The following KIRREL2 variants were observed in gnomAD, a reference collection of about 807,000 sequenced individuals.
The protein encoded by KIRREL2 is kirre like nephrin family adhesion molecule 2.
A neutral mutation model predicts 73.4 loss-of-function variants in KIRREL2; 56 were observed. That is an observed-to-expected ratio of 0.76 (90% CI 0.62 to 0.95). The LOEUF (loss-of-function observed/expected upper bound fraction) is 0.95, where lower values mean the gene tolerates loss of function less well. KIRREL2 is among the 40% of genes least tolerant of loss of function. The probability of loss-of-function intolerance (pLI) is 0.00; values close to 1 mark genes in which losing one functional copy is unlikely to be tolerated. For missense variants in KIRREL2, 896 were observed against 935.0 expected (o/e 0.96, Z 0.54); for synonymous variants, 407 against 404.0 (o/e 1.01, Z -0.09).
rs770981025 is a variant in KIRREL2 at position 35,862,539 on chromosome 19, C to T, written c.1557C>T (p.Thr519=). ...TAGTGGCCGGAGTGGCCGCTGCCAC[C>T]ACAACTCTCCTTATGGTCATCACTG... ...VRIVAGVAAA[T]TTLLMVITGV... is the part of the protein sequence containing the mutation. Residue 519 remains threonine, a synonymous_variant, in exon 12 of 15, where the codon ACC becomes ACT. Coordinates refer to ENST00000360202, the MANE Select transcript of KIRREL2 (RefSeq NM_199180.4). The T allele has an allele frequency of 6.2e-7, 1 of 1,610,562 alleles. No individual in the cohort carries two copies. The highest frequency in any genetic ancestry group is 1.7e-5 in the Admixed American group (1 of 60,012).
chr19:35,860,332 A>G lies in KIRREL2; in HGVS notation c.709A>G (p.Thr237Ala). 1 of 1,613,910 alleles carries G rather than the reference A, an allele frequency of 6.2e-7. No homozygotes were observed. Among genetic ancestry groups the G allele is most frequent in the Non-Finnish European group, 8.5e-7 (1 of 1,179,984 alleles). ...GGTGACTCTGTCTGCTTCGCCACAC[A>G]CTGTGCAGGAGGGAGAGAAGGTCAT... ...PEVTLSASPHTVQEGEKVIFL... is the reference protein window; with the variant it reads ...PEVTLSASPHAVQEGEKVIFL... Residue 237 changes from threonine to alanine, a missense_variant, in exon 6 of 15, where the codon ACT (threonine) becomes GCT (alanine). Physicochemically the swap from Thr to Ala is moderately conservative, Grantham distance 58. Transcript: ENST00000360202.
chr19:35,866,245 C>G lies in KIRREL2; in HGVS notation c.1880C>G (p.Pro627Arg). 1 of 1,609,948 alleles carries G rather than the reference C, an allele frequency of 6.2e-7. No homozygotes were observed. The highest frequency in any genetic ancestry group is 1.1e-5 in the South Asian group (1 of 90,990). Reference sequence around the variant, plus strand: ...CCTGGAGGAGGTCTCTTCCTGCCACCACCCTCCCCCCTTGGGCCCCCAGGG... The same window carrying G: ...CCTGGAGGAGGTCTCTTCCTGCCACGACCCTCCCCCCTTGGGCCCCCAGGG... ...EAPGGGLFLP[P>R]PSPLGPPGTP... The change falls in exon 15 of 15, where the codon CCA becomes CGA. Residue 627 changes from proline to arginine, a missense_variant. Physicochemically the swap from Pro to Arg is moderately radical, Grantham distance 103 (BLOSUM62 -2). Transcript: ENST00000360202.
Position 35,866,266 on chromosome 19 carries a change from C to T in KIRREL2, c.1901C>T (p.Pro634Leu). ...CCACCACCCTCCCCCCTTGGGCCCCCAGGGACCCCTACCTTCTATGACTTC... is the reference window on the plus strand; with the variant it reads ...CCACCACCCTCCCCCCTTGGGCCCCTAGGGACCCCTACCTTCTATGACTTC... ...FLPPPSPLGP[P>L]GTPTFYDFNP... The change falls in exon 15 of 15, where the codon CCA (proline) becomes CTA (leucine). Residue 634 changes from proline (P) to leucine (L), a missense_variant. Coordinates refer to ENST00000360202, the MANE Select transcript of KIRREL2 (RefSeq NM_199180.4). 1.2e-6 allele frequency: 2 copies of T among 1,609,548 alleles called. No individual in the cohort carries two copies. Among genetic ancestry groups the T allele is most frequent in the African/African-American group, 1.3e-5 (1 of 74,958 alleles).
In KIRREL2 at chr19:35,866,429, T is replaced by TC. The variant is rs1259849815; in HGVS notation, c.2070dup (p.Phe691LeufsTer10). ...GGCCCCCAGATCTGGCCCCCGGGAC[T>TC]CCCCCCTTCCCATATGCTGCCTTCC... On this transcript the variant is annotated frameshift_variant, in exon 15 of 15. Coordinates refer to ENST00000360202, the MANE Select transcript of KIRREL2 (RefSeq NM_199180.4). LOFTEE classifies it high-confidence loss of function. 2 of 1,596,334 alleles carry TC rather than the reference T, an allele frequency of 1.3e-6. No homozygotes were observed. Among genetic ancestry groups the TC allele is most frequent in the South Asian group, 1.1e-5 (1 of 90,546 alleles).
rs1226556557 is a variant in KIRREL2, at chr19:35,861,024, C to T, written c.1044C>T (p.Arg348=). 1 of 1,611,746 alleles carries T rather than the reference C, an allele frequency of 6.2e-7. No homozygotes were observed. Among genetic ancestry groups the T allele is most frequent in the Non-Finnish European group, 8.5e-7 (1 of 1,179,266 alleles). Residue 348 remains arginine, a synonymous_variant, in exon 8 of 15, where the codon CGC becomes CGT. Transcript: ENST00000360202. The part of the protein sequence containing the change: ...NPLPRVTWTR[R]GGAQVLGSGA... ...TTCCACGGGTAACCTGGACCCGCCG[C>T]GGTGGCGCGCAGGTACAGCCCTAAA...
In KIRREL2 at chr19:35,858,849, A is replaced by G. The variant is rs1973546546; in HGVS notation, c.507A>G (p.Gly169=). ...LWFRDGVLLD[G]ATFHQTLLKE... is the part of the protein sequence containing the mutation. The stretch of plus-strand genomic sequence containing the variant: ...TCCGAGATGGGGTCCTGTTGGATGG[A>G]GCCACCTTCCATCAGGTCAGGTCCA... Residue 169 remains glycine, a synonymous_variant, in exon 4 of 15, where the codon GGA becomes GGG. Coordinates refer to ENST00000360202, the MANE Select transcript of KIRREL2 (RefSeq NM_199180.4). 1 of 1,614,164 alleles carries G rather than the reference A, an allele frequency of 6.2e-7. No individual in the cohort carries two copies. The highest frequency in any genetic ancestry group is 1.6e-4 in the Middle Eastern group (1 of 6,062).
rs1312712386 is a variant in KIRREL2, at chr19:35,866,318, C to A, written c.1953C>A (p.Pro651=). 6.2e-7 allele frequency: 1 copy of A among 1,612,154 alleles called. No homozygotes were observed. Among genetic ancestry groups the A allele is most frequent in the Non-Finnish European group, 8.5e-7 (1 of 1,178,394 alleles). Residue 651 remains proline, a synonymous_variant, in exon 15 of 15, where the codon CCC becomes CCA. Coordinates refer to ENST00000360202, the MANE Select transcript of KIRREL2 (RefSeq NM_199180.4). ...DFNPHLGMVP[P]CRLYRARAGY... ...ACCCACACCTGGGCATGGTCCCCCC[C>A]TGCAGACTTTACAGAGCCAGGGCAG... is the stretch of plus-strand genomic sequence containing the variant.
At chr19:35,860,469 G>C in intron 6 of KIRREL2, 50 bp from the exon 7 acceptor site, 1 of 1,604,186 alleles carries the variant, frequency 6.2e-7, no homozygotes, top group South Asian at 1.1e-5. Context: ...GACCTGAGTA[G>C]GTGTGCCAGA....
At chr19:35,855,378 AT>A (rs1469492085), upstream of KIRREL2, among the ~76,000 whole-genome samples, 1 of 151,538 alleles carries the variant, frequency 6.6e-6, no homozygotes, top group African/African-American at 2.4e-5. Context: ...CCATCTTTCC[AT>A]GTCCGTAGCC....
chr19:35,864,206 T>TTGTTGTTG (rs1568468599), intron 13 of KIRREL2, among the ~76,000 whole-genome samples: 1,245 of 115,200 alleles, frequency 0.011, 17 homozygotes, highest in African/African-American at 0.04. Flanking sequence ...TGTTGTTGTT[T>TTGTTGTTG]TTGAGATAGA....
Position 35,866,263 on chromosome 19 carries a change from C to A in KIRREL2, c.1898C>A (p.Pro633His). 1 of 1,611,180 alleles carries A rather than the reference C, an allele frequency of 6.2e-7. No homozygotes were observed. The highest frequency in any genetic ancestry group is 8.5e-7 in the Non-Finnish European group (1 of 1,177,500). The change falls in exon 15 of 15, where the codon CCC (proline) becomes CAC (histidine). Residue 633 changes from proline (P) to histidine (H), a missense_variant. By Grantham distance (77) the Pro-to-His change is moderately conservative (BLOSUM62 -2). Transcript: ENST00000360202. ...CTGCCACCACCCTCCCCCCTTGGGCCCCCAGGGACCCCTACCTTCTATGAC... is the reference window on the plus strand; with the variant it reads ...CTGCCACCACCCTCCCCCCTTGGGCACCCAGGGACCCCTACCTTCTATGAC... ...LFLPPPSPLG[P>H]PGTPTFYDFN...
chr19:35,862,781 C>G (rs1973763487), intron 12 of KIRREL2, 146 bp from the exon 13 acceptor site: 1 of 684,096 alleles, frequency 1.5e-6, no homozygotes, highest in South Asian at 1.7e-5. Context: ...CAGGGTCACA[C>G]TCCTCGGTGG....
upstream of KIRREL2, among the ~76,000 whole-genome samples, chr19:35,854,623 G>A (rs552654742): frequency 1.3e-5 from 2 of 152,276 alleles, no homozygotes; most frequent in African/African-American, 4.8e-5. Context: ...GTGCCCAGCT[G>A]ATTTATCTTT....
upstream of KIRREL2, among the ~76,000 whole-genome samples, chr19:35,852,646 C>T (rs531998056): frequency 1.6e-4 from 25 of 152,212 alleles, no homozygotes; most frequent in Non-Finnish European, 3.1e-4. Context: ...CCCCAGCCTC[C>T]GTGACCCCAG....
At chr19:35,859,811 G>A (rs1973585854) in intron 5 of KIRREL2, among the ~76,000 whole-genome samples, 180 bp downstream of exon 5, 1 of 152,310 alleles carries the variant, frequency 6.6e-6, no homozygotes, top group South Asian at 2.1e-4. Flanking sequence ...TTGGGAGGTC[G>A]AGGCAGGCGG....
chr19:35,857,142 CCCT>C lies in KIRREL2; in HGVS notation c.28_30del (p.Leu10del). 3 of 1,613,792 alleles carry C rather than the reference CCCT, an allele frequency of 1.9e-6. No individual in the cohort carries two copies. The highest frequency in any genetic ancestry group is 2.5e-6 in the Non-Finnish European group (3 of 1,179,964). ...CGAATGCTCAGGATGCGGGTCCCCG[CCCT>C]CCTCGTCCTCCTCTTCTGCTTCAGA... On this transcript the variant is annotated inframe_deletion, in exon 1 of 15. Transcript: ENST00000360202.
intron 2 of KIRREL2, among the ~76,000 whole-genome samples, chr19:35,857,854 C>T (rs1395885909): frequency 6.6e-6 from 1 of 151,632 alleles, no homozygotes; most frequent in Non-Finnish European, 1.5e-5. Context: ...ACAAATTAGC[C>T]GGGTATGGTG....
At chr19:35,854,414 C>T (rs532322324), upstream of KIRREL2, among the ~76,000 whole-genome samples, 37 of 148,650 alleles carry the variant, frequency 2.5e-4, no homozygotes, top group African/African-American at 9.2e-4. Flanking sequence ...CTCTGCCTCC[C>T]GGGTTCAGGC....
upstream of KIRREL2, chr19:35,851,946 T>C: frequency 1.1e-6 from 1 of 920,840 alleles, no homozygotes; most frequent in Non-Finnish European, 1.7e-6. Flanking sequence ...CTTTTCTTTT[T>C]TATCTCTTTC....
Sources: allele counts gnomAD v4.1 joint callset (sites outside exome capture counted in the v4.1 genomes callset), GRCh38; gene constraint gnomAD v4.1.1; transcripts MANE v1.5; gene names NCBI Gene and HGNC (gene_info 2026-07-23, HGNC 2026-07-21).